Variants in ZNF208 observed in about 807,000 individuals in gnomAD.
ZNF208 encodes zinc finger protein 95.
ZNF208 carries 10 observed loss-of-function variants against 12.1 expected under a neutral mutation model. The observed-to-expected ratio is 0.83, with a 90% CI of 0.51 to 1.40. The LOEUF (loss-of-function observed/expected upper bound fraction) is 1.40, where lower values mean the gene tolerates loss of function less well. Ranked by LOEUF, ZNF208 falls within the 40% of genes most tolerant of loss-of-function variation. The pLI is 0.00. For missense variants in ZNF208, 1,652 were observed against 1,485.0 expected (o/e 1.11, Z -1.85); for synonymous variants, 497 against 488.4 (o/e 1.02, Z -0.23).
In ZNF208 at chr19:21,974,657, T is replaced by G. The variant is rs1970393017; in HGVS notation, c.377A>C (p.His126Pro). ...GYTNVDECKV[H>P]KEGYNKLNQS... is the part of the protein sequence containing the mutation. ...GTTAAGTTTATTATAACCTTCTTTG[T>G]GCACCTTACACTCATCCACATTGGT... Residue 126 changes from histidine to proline, a missense_variant, in exon 4 of 4, where the codon CAC (histidine) becomes CCC (proline). This residue lies in a region of ZNF208 where 410 missense variants were observed against 378.2 expected (regional missense o/e 1.08). Transcript: ENST00000397126. The G allele has an allele frequency of 1.2e-6, 2 of 1,613,808 alleles. No homozygotes were observed. The highest frequency in any genetic ancestry group is 1.7e-6 in the Non-Finnish European group (2 of 1,179,810).
intron 4 of ZNF208, among the ~76,000 whole-genome samples, chr19:21,958,878 G>A (rs1970019003): frequency 6.6e-6 from 1 of 152,070 alleles, no homozygotes; most frequent in Non-Finnish European, 1.5e-5. Context: ...AGCAAGGGAA[G>A]GGTCCCCAGA....
At chr19:21,996,423 T>A (rs1299122351) in intron 1 of ZNF208, among the ~76,000 whole-genome samples, 1 of 152,222 alleles carries the variant, frequency 6.6e-6, no homozygotes, top group Admixed American at 6.5e-5. Flanking sequence ...GTTTAATTTA[T>A]AGCTACTTGT....
At chr19:21,942,335 T>A (rs1252174803) in intron 4 of ZNF208, among the ~76,000 whole-genome samples, 8 of 152,158 alleles carry the variant, frequency 5.3e-5, no homozygotes, top group Admixed American at 5.2e-4. Flanking sequence ...TTATCAGTAA[T>A]TTGGTGTTTC....
chr19:21,953,781 A>T (rs1490100378), intron 4 of ZNF208, among the ~76,000 whole-genome samples: 1 of 152,010 alleles, frequency 6.6e-6, no homozygotes, highest in Non-Finnish European at 1.5e-5. Flanking sequence ...TTTTCAATAA[A>T]ACAGCTCCTG....
intron 4 of ZNF208, among the ~76,000 whole-genome samples, chr19:21,955,958 C>A (rs1055979637): frequency 2.0e-5 from 3 of 152,198 alleles, no homozygotes; most frequent in Admixed American, 6.5e-5. Context: ...TTCTCCCCAT[C>A]TTTGGGGTTT....
intron 3 of ZNF208, among the ~76,000 whole-genome samples, chr19:21,982,104 T>A (rs1335335846): frequency 6.6e-6 from 1 of 152,034 alleles, no homozygotes; most frequent in South Asian, 2.1e-4. Context: ...ACGTCTGTAA[T>A]CCCACCATTT....
intron 4 of ZNF208, among the ~76,000 whole-genome samples, chr19:21,947,899 G>T (rs1164686669): frequency 6.6e-6 from 1 of 152,112 alleles, no homozygotes; most frequent in Non-Finnish European, 1.5e-5. Flanking sequence ...GGGCTGAGTG[G>T]ATCTAGAAAA....
At chr19:22,010,295 C>A (rs1473488086) in intron 1 of ZNF208, among the ~76,000 whole-genome samples, 7 of 152,240 alleles carry the variant, frequency 4.6e-5, no homozygotes, top group Non-Finnish European at 7.3e-5. Flanking sequence ...TTCCGTCAAA[C>A]CCCTTCAATA....
intron 1 of ZNF208, among the ~76,000 whole-genome samples, chr19:22,006,896 AT>A (rs918988945): frequency 3.9e-5 from 6 of 152,198 alleles, no homozygotes; most frequent in African/African-American, 1.4e-4. Flanking sequence ...GCATTATTTT[AT>A]TTTTTGTATT....
At chr19:21,989,016 C>A in intron 1 of ZNF208, 107 bp from the exon 2 acceptor site, 1 of 1,399,552 alleles carries the variant, frequency 7.1e-7, no homozygotes, top group Non-Finnish European at 9.7e-7. Context: ...GACTTATAAG[C>A]ATGACTGAAA....
intron 4 of ZNF208, among the ~76,000 whole-genome samples, chr19:21,955,639 A>G (rs1477476535): frequency 6.6e-6 from 1 of 152,090 alleles, no homozygotes; most frequent in Non-Finnish European, 1.5e-5. Context: ...AAACTTATGC[A>G]TGTGTCATGT....
rs1204884933 is a variant in ZNF208, at chr19:21,967,824, TA to T, written c.*3366del. The T allele has an allele frequency of 2.6e-5, 4 of 152,164 alleles. No individual in the cohort carries two copies. Among genetic ancestry groups the T allele is most frequent in the Non-Finnish European group, 4.4e-5 (3 of 68,020 alleles). 9.4% of individuals were successfully genotyped at this position (152,164 alleles called of 1,614,324 possible). On this transcript the variant is annotated 3_prime_UTR_variant, in exon 4 of 4. Transcript: ENST00000397126. ...TCTGATAAAAATAGCACTTAATCTG[TA>T]GGTTGCTTTAGGCAGAATGACCATT...
intron 1 of ZNF208, among the ~76,000 whole-genome samples, chr19:22,001,792 C>T (rs757512976): frequency 6.9e-6 from 1 of 145,526 alleles, no homozygotes; most frequent in Non-Finnish European, 1.5e-5. Flanking sequence ...ACTCAAGAGG[C>T]TGAGGCAGGA....
At chr19:21,953,085 A>G (rs1969917953) in intron 4 of ZNF208, among the ~76,000 whole-genome samples, 2 of 152,238 alleles carry the variant, frequency 1.3e-5, no homozygotes, top group Non-Finnish European at 2.9e-5. Flanking sequence ...GATCAAATTA[A>G]TGAAATAAAA....
intron 4 of ZNF208, among the ~76,000 whole-genome samples, chr19:21,958,177 CA>C (rs34068762): frequency 6.0e-5 from 9 of 149,136 alleles, no homozygotes; most frequent in East Asian, 2.0e-4. Context: ...TAGTTTCTAA[CA>C]AAAAAAAAAC....
chr19:21,973,675 G>A lies in ZNF208; in HGVS notation c.1359C>T (p.Tyr453=). The change falls in exon 4 of 4, where the codon TAC becomes TAT. Residue 453 remains tyrosine, a synonymous_variant. Transcript: ENST00000397126. ...AGCCTTTGCCACATTCTTCACATTT[G>A]TAGGGTGTCTCTCCAGTGTGAATTT... is the stretch of plus-strand genomic sequence containing the variant. ...HKKIHTGETP[Y]KCEECGKGFS... 6.4e-7 allele frequency: 1 copy of A among 1,571,328 alleles called. No homozygotes were observed. Among genetic ancestry groups the A allele is most frequent in the Non-Finnish European group, 8.7e-7 (1 of 1,144,470 alleles).
chr19:21,995,012 T>C (rs10418541), intron 1 of ZNF208, among the ~76,000 whole-genome samples: 86,796 of 149,078 alleles, frequency 0.58, 25,561 homozygotes, highest in East Asian at 0.69. Context: ...GGTGCGATGG[T>C]GTGATCTCAG....
chr19:21,972,199 G>A lies in ZNF208; in HGVS notation c.2835C>T (p.Tyr945=). The part of the protein sequence containing the change: ...HKKTHAGEKF[Y]KCEACGKAYK... ...AGGCTTTGCCACATGCTTCACATTT[G>A]TAGAATTTCTCTCCAGCATGAGTTT... The change falls in exon 4 of 4, where the codon TAC becomes TAT. Residue 945 remains tyrosine (Y), a synonymous_variant. Coordinates refer to ENST00000397126, the MANE Select transcript of ZNF208 (RefSeq NM_007153.3). 1 of 1,613,152 alleles carries A rather than the reference G, an allele frequency of 6.2e-7. No individual in the cohort carries two copies. Among genetic ancestry groups the A allele is most frequent in the Non-Finnish European group, 8.5e-7 (1 of 1,179,712 alleles).
At chr19:21,950,745 T>C (rs1441250157) in intron 4 of ZNF208, among the ~76,000 whole-genome samples, 2 of 152,192 alleles carry the variant, frequency 1.3e-5, no homozygotes, top group Non-Finnish European at 2.9e-5. Flanking sequence ...TCCACCCGCC[T>C]CAGCCTCCCA....
Sources: allele counts gnomAD v4.1 joint callset (sites outside exome capture counted in the v4.1 genomes callset), GRCh38; gene constraint gnomAD v4.1.1; regional missense constraint gnomAD v4.1.1; transcripts MANE v1.5; gene names NCBI Gene and HGNC (gene_info 2026-07-23, HGNC 2026-07-21).